Variants in ACTR2 observed in about 807,000 individuals in gnomAD.
The protein encoded by ACTR2 is actin-related protein 2.
ACTR2 carries 5 observed loss-of-function variants against 50.2 expected under a neutral mutation model. The ratio of observed to expected loss-of-function variants is 0.10; its 90% CI spans 0.05 to 0.21. The LOEUF (loss-of-function observed/expected upper bound fraction) is 0.21. Ranked by LOEUF, ACTR2 falls within the 10% of genes least tolerant of loss-of-function variation. ACTR2 has a pLI of 1.00. For missense variants in ACTR2, 180 were observed against 480.6 expected (o/e 0.37, Z 5.85); for synonymous variants, 140 against 162.9 (o/e 0.86, Z 1.07).
rs560389760 is a variant in ACTR2 at position 65,228,232 on chromosome 2, A to G, written c.48+275A>G. On this transcript the variant is annotated intron_variant, in intron 1 of 8. Transcript: ENST00000260641. ...ACATGGAGCCTACTGACCGCCCGGCAGGGACCTGCTCCGCGCTAATGCGGG... is the reference window on the plus strand; with the variant it reads ...ACATGGAGCCTACTGACCGCCCGGCGGGGACCTGCTCCGCGCTAATGCGGG... 2.7e-5 allele frequency: 10 copies of G among 368,320 alleles called. No individual in the cohort carries two copies. In the East Asian group the frequency reaches 3.3e-4, roughly 12 times the overall value. The allele number at this position is 368,320 out of a possible 1,614,324, so 22.8% of individuals were successfully genotyped here.
chr2:65,258,437 G>A (rs549200380), intron 6 of ACTR2, among the ~76,000 whole-genome samples: 35 of 152,068 alleles, frequency 2.3e-4, no homozygotes, highest in African/African-American at 8.4e-4. Flanking sequence ...AATTTGCCAG[G>A]CGTAGTGGCA....
At chr2:65,252,200 T>G (rs1324057324) in intron 4 of ACTR2, among the ~76,000 whole-genome samples, 1 of 152,106 alleles carries the variant, frequency 6.6e-6, no homozygotes, top group Non-Finnish European at 1.5e-5. Flanking sequence ...TGGGAGTATT[T>G]TTGAATTGAT....
chr2:65,228,004 G>A (rs1301029100), intron 1 of ACTR2, 47 bp downstream of exon 1: 1 of 1,472,718 alleles, frequency 6.8e-7, no homozygotes, highest in Non-Finnish European at 9.0e-7. Flanking sequence ...CGCCGGCGGG[G>A]ACGAGCAGCT....
At chr2:65,258,155 C>T (rs1672187338) in intron 6 of ACTR2, among the ~76,000 whole-genome samples, 1 of 152,120 alleles carries the variant, frequency 6.6e-6, no homozygotes, top group African/African-American at 2.4e-5. Context: ...TCTGATTTTC[C>T]ATCTACCTGA....
At chr2:65,267,320 CCTT>C (rs979314300) in intron 8 of ACTR2, among the ~76,000 whole-genome samples, 28 of 151,886 alleles carry the variant, frequency 1.8e-4, no homozygotes, top group Non-Finnish European at 5.9e-5. Context: ...AGTATCTGGC[CCTT>C]CACAAAAAAA....
At chr2:65,238,180 T>C (rs1419982687) in intron 1 of ACTR2, among the ~76,000 whole-genome samples, 1 of 151,930 alleles carries the variant, frequency 6.6e-6, no homozygotes, top group Non-Finnish European at 1.5e-5. Context: ...ATTTTAAATA[T>C]TTTTTAAATT....
At chr2:65,233,788 TTTA>T (rs935059200) in intron 1 of ACTR2, among the ~76,000 whole-genome samples, 5 of 152,034 alleles carry the variant, frequency 3.3e-5, no homozygotes, top group African/African-American at 1.2e-4. Context: ...ATTTTGTACT[TTTA>T]GTAGAGATGG....
At chr2:65,244,536 G>A (rs905853280) in intron 2 of ACTR2, among the ~76,000 whole-genome samples, 2 of 152,046 alleles carry the variant, frequency 1.3e-5, no homozygotes, top group African/African-American at 2.4e-5. Context: ...CTTGTTTTTT[G>A]ATGGATTTCA....
At chr2:65,266,467 A>G (rs1376258845) in intron 8 of ACTR2, among the ~76,000 whole-genome samples, 2 of 152,068 alleles carry the variant, frequency 1.3e-5, no homozygotes, top group African/African-American at 2.4e-5. Flanking sequence ...CAGGTGGGAT[A>G]TGAGGTCAGA....
chr2:65,240,555 ACT>A (rs1671821137), intron 2 of ACTR2, among the ~76,000 whole-genome samples: 1 of 152,136 alleles, frequency 6.6e-6, no homozygotes, highest in South Asian at 2.1e-4. Context: ...TTCATTGCCT[ACT>A]CGCTGTATTT....
chr2:65,257,983 A>G (rs550330097), intron 6 of ACTR2, among the ~76,000 whole-genome samples: 2 of 152,228 alleles, frequency 1.3e-5, no homozygotes, highest in African/African-American at 4.8e-5. Context: ...TTTTGTTGCA[A>G]TTGCTTTTGG....
rs900723738 is a variant in ACTR2, at chr2:65,269,468, T to A, written c.*734T>A. 1 of 152,224 alleles carries A rather than the reference T, an allele frequency of 6.6e-6. No individual in the cohort carries two copies. Among genetic ancestry groups the A allele is most frequent in the African/African-American group, 2.4e-5 (1 of 41,450 alleles). The allele number at this position is 152,224 out of a possible 1,614,324, so 9.4% of individuals were successfully genotyped here. On this transcript the variant is annotated 3_prime_UTR_variant, in exon 9 of 9. Coordinates refer to ENST00000260641, the MANE Select transcript of ACTR2 (RefSeq NM_005722.4). ...GTTTCCATATGATATAAAAAGCAAG[T>A]GTAGTATTCCATTACTATGTGGCTT...
At chr2:65,237,542 T>C (rs1241835110) in intron 1 of ACTR2, among the ~76,000 whole-genome samples, 2 of 151,924 alleles carry the variant, frequency 1.3e-5, no homozygotes, top group Non-Finnish European at 2.9e-5. Flanking sequence ...GGGCCCAGCG[T>C]AAACAGACTA....
At chr2:65,264,965 T>TGGGA (rs1165738218) in intron 7 of ACTR2, 78 bp from the exon 8 acceptor site, 2 of 1,529,812 alleles carry the variant, frequency 1.3e-6, no homozygotes, top group Admixed American at 3.5e-5. Context: ...ACCCCGAGGC[T>TGGGA]GACATAAGTA....
intron 1 of ACTR2, among the ~76,000 whole-genome samples, chr2:65,231,459 T>C (rs972633541): frequency 6.6e-6 from 1 of 152,330 alleles, no homozygotes; most frequent in South Asian, 2.1e-4. Context: ...AAAGAAGATA[T>C]TCAGATGTAA....
At chr2:65,242,632 G>C (rs914585875) in intron 2 of ACTR2, 14 of 509,854 alleles carry the variant, frequency 2.7e-5, no homozygotes, top group Admixed American at 2.2e-4. Context: ...CGTTATCTGA[G>C]GATAAATAAG....
chr2:65,231,986 T>C (rs1671647421), intron 1 of ACTR2, among the ~76,000 whole-genome samples: 1 of 152,234 alleles, frequency 6.6e-6, no homozygotes, highest in Non-Finnish European at 1.5e-5. Flanking sequence ...ACATGACCAA[T>C]GTTGGTCCCG....
At chr2:65,243,626 C>G (rs1671881880) in intron 2 of ACTR2, among the ~76,000 whole-genome samples, 1 of 152,136 alleles carries the variant, frequency 6.6e-6, no homozygotes, top group South Asian at 2.1e-4. Context: ...AAAACCCTGC[C>G]TCTATTAGTT....
chr2:65,246,849 T>C, intron 3 of ACTR2, 110 bp downstream of exon 3: 1 of 796,732 alleles, frequency 1.3e-6, no homozygotes, highest in Non-Finnish European at 2.0e-6. Context: ...TTGTTTTCCT[T>C]CAGATCTTAT....
Sources: allele counts gnomAD v4.1 joint callset (sites outside exome capture counted in the v4.1 genomes callset), GRCh38; gene constraint gnomAD v4.1.1; transcripts MANE v1.5; gene names NCBI Gene and HGNC (gene_info 2026-07-23, HGNC 2026-07-21).